CNTN6: variants seen among roughly 807,000 people sequenced by gnomAD.
CNTN6 encodes the protein contactin 6.
CNTN6 carries 137 observed loss-of-function variants against 122.8 expected under a neutral mutation model. That is an observed-to-expected ratio of 1.12 (90% CI 0.97 to 1.29). The LOEUF is 1.29. Ranked by LOEUF, CNTN6 falls within the 50% of genes most tolerant of loss-of-function variation. The pLI is 0.00. For synonymous variants in CNTN6, 570 were observed against 426.0 expected (o/e 1.34, Z -4.16); for missense variants, 1,634 against 1,223.4 (o/e 1.34, Z -5.01).
At chr3:1,217,756 G>A (rs534263580) in intron 2 of CNTN6, among the ~76,000 whole-genome samples, 1 of 152,296 alleles carries the variant, frequency 6.6e-6, no homozygotes, top group Non-Finnish European at 1.5e-5. Context: ...CTGATAACAA[G>A]TGCTGTCTCC....
chr3:1,104,646 T>C (rs1160640982), intron 1 of CNTN6, among the ~76,000 whole-genome samples: 2 of 152,166 alleles, frequency 1.3e-5, no homozygotes, highest in South Asian at 2.1e-4. Context: ...TATAAAATCA[T>C]ATATGTTTAT....
intron 2 of CNTN6, among the ~76,000 whole-genome samples, chr3:1,211,275 ATTTACCCAGGC>A (rs2094033333): frequency 6.6e-6 from 1 of 152,166 alleles, no homozygotes; most frequent in African/African-American, 2.4e-5. Context: ...GAAACCTGAA[ATTTACCCAGGC>A]TCATACAATG....
intron 21 of CNTN6, 75 bp from the exon 22 acceptor site, chr3:1,402,243 C>A: frequency 8.7e-7 from 1 of 1,151,732 alleles, no homozygotes. Context: ...TTATGTCTTA[C>A]AGTGTTCCAG....
Position 1,172,237 on chromosome 3 carries a change from C to A in CNTN6, c.55+24174C>A, listed in dbSNP as rs79898650. On this transcript the variant is annotated intron_variant, in intron 2 of 22. Coordinates refer to ENST00000446702, the MANE Select transcript of CNTN6 (RefSeq NM_001289080.2). ...TCACTTCTCTGAACCCCAGTTCTCTCTTTTATCAGTTTCATGTCTTCAAAA... is the reference window on the plus strand; with the variant it reads ...TCACTTCTCTGAACCCCAGTTCTCTATTTTATCAGTTTCATGTCTTCAAAA... Among the ~76,000 whole-genome samples, 944 of 152,306 alleles carry A rather than the reference C, an allele frequency of 6.2e-3. 8 individuals are homozygous for A. The highest frequency in any genetic ancestry group is 0.022 in the African/African-American group (897 of 41,570).
intron 3 of CNTN6, among the ~76,000 whole-genome samples, chr3:1,227,371 T>C (rs1559551248): frequency 6.6e-6 from 1 of 152,228 alleles, no homozygotes; most frequent in Admixed American, 6.5e-5. Flanking sequence ...AGCCCTGAAT[T>C]GGCGTTGTAA....
At chr3:1,342,253 T>C (rs1361159200) in intron 11 of CNTN6, among the ~76,000 whole-genome samples, 1 of 151,936 alleles carries the variant, frequency 6.6e-6, no homozygotes. Context: ...CATCAGCCTC[T>C]GGAATAGCTG....
intron 5 of CNTN6, among the ~76,000 whole-genome samples, chr3:1,280,193 T>C (rs1693121019): frequency 6.6e-6 from 1 of 152,122 alleles, no homozygotes; most frequent in African/African-American, 2.4e-5. Flanking sequence ...ATGTAAAATA[T>C]TTGTAAATGA....
intron 7 of CNTN6, chr3:1,298,300 T>C (rs1482080693): frequency 4.9e-6 from 1 of 203,504 alleles, no homozygotes. Context: ...TATAAGATGA[T>C]GGGCAAGTCA....
intron 7 of CNTN6, among the ~76,000 whole-genome samples, chr3:1,300,368 C>T (rs1696997309): frequency 6.6e-6 from 1 of 151,674 alleles, no homozygotes; most frequent in Non-Finnish European, 1.5e-5. Flanking sequence ...TATGAATTCT[C>T]ATCTTTCCCA....
intron 4 of CNTN6, among the ~76,000 whole-genome samples, chr3:1,272,895 T>C (rs1293893741): frequency 2.0e-5 from 3 of 152,220 alleles, no homozygotes; most frequent in Non-Finnish European, 4.4e-5. Flanking sequence ...AATACTTGTA[T>C]TGCCTGAACC....
intron 5 of CNTN6, among the ~76,000 whole-genome samples, chr3:1,289,845 T>G (rs1221510173): frequency 6.6e-6 from 1 of 151,612 alleles, no homozygotes; most frequent in East Asian, 1.9e-4. Context: ...CAGCTAATGT[T>G]TTGTGTTTTT....
rs1432183311 is a variant in CNTN6, at chr3:1,245,309, T to TA, written c.358+17317dup. ...TATATATATAACATATATATATATA[T>TA]ATATATATATATATATATATATATA... On this transcript the variant is annotated intron_variant, in intron 4 of 22. Coordinates refer to ENST00000446702, the MANE Select transcript of CNTN6 (RefSeq NM_001289080.2). Among the ~76,000 whole-genome samples, 20 of 14,540 alleles carry TA rather than the reference T, an allele frequency of 1.4e-3. 4 individuals are homozygous for TA. Among genetic ancestry groups the TA allele is most frequent in the South Asian group, 0.012 (6 of 512 alleles). The allele number at this position is 14,540 out of a possible 152,430, so 9.5% of individuals were successfully genotyped here.
At chr3:1,171,635 TCTCA>T (rs1198068659) in intron 2 of CNTN6, among the ~76,000 whole-genome samples, 1 of 152,050 alleles carries the variant, frequency 6.6e-6, no homozygotes, top group African/African-American at 2.4e-5. Flanking sequence ...TTAGGCAGAG[TCTCA>T]CTCTGTTGCC....
intron 2 of CNTN6, among the ~76,000 whole-genome samples, chr3:1,176,775 A>G (rs987333988): frequency 2.0e-4 from 30 of 152,254 alleles, no homozygotes; most frequent in African/African-American, 7.2e-4. Context: ...ACAACAATTC[A>G]TAGATAGATG....
rs762258158 is a variant in CNTN6, at chr3:1,329,918, C to A, written c.1347C>A (p.Thr449=). 6.4e-7 allele frequency: 1 copy of A among 1,571,198 alleles called. No homozygotes were observed. Among genetic ancestry groups the A allele is most frequent in the South Asian group, 1.2e-5 (1 of 81,954 alleles). ...TCTCTTGGAAAAGAGGAACGGAGAC[C>A]CTTAGACAAAGCAAAAGGTAAACAA... is the stretch of plus-strand genomic sequence containing the variant. The part of the protein sequence containing the change: ...AAISWKRGTE[T]LRQSKRIFLL... Residue 449 remains threonine, a synonymous_variant, in exon 11 of 23, where the codon ACC becomes ACA. Coordinates refer to ENST00000446702, the MANE Select transcript of CNTN6 (RefSeq NM_001289080.2).
intron 20 of CNTN6, among the ~76,000 whole-genome samples, chr3:1,388,144 G>A (rs1001388697): frequency 6.6e-6 from 1 of 151,928 alleles, no homozygotes; most frequent in Non-Finnish European, 1.5e-5. Context: ...AGTAACGTCT[G>A]CAGAGTTAAA....
Position 1,336,695 on chromosome 3 carries a change from G to A in CNTN6, c.1364+6760G>A, listed in dbSNP as rs192926359. Among the ~76,000 whole-genome samples, 122 of 152,258 alleles carry A rather than the reference G, an allele frequency of 8.0e-4. 1 individual carries two copies. The highest frequency in any genetic ancestry group is 1.5e-3 in the Non-Finnish European group (101 of 68,008). ...GCAAATGCATGTACCTTGTGGGAAA[G>A]AGTGAACCCATTAGGTGAATTGGAG... On this transcript the variant is annotated intron_variant, in intron 11 of 22. Transcript: ENST00000446702.
intron 1 of CNTN6, among the ~76,000 whole-genome samples, chr3:1,116,031 C>A (rs1448981298): frequency 1.3e-5 from 2 of 152,194 alleles, no homozygotes; most frequent in Admixed American, 6.5e-5. Context: ...ACAGAGGACA[C>A]CTTCAGCAAA....
chr3:1,195,362 C>G (rs970658645), intron 2 of CNTN6, among the ~76,000 whole-genome samples: 9 of 152,046 alleles, frequency 5.9e-5, no homozygotes, highest in Admixed American at 5.9e-4. Context: ...CTCCTGATTT[C>G]TTGGGTTCAT....
Sources: gnomAD v4.1 joint callset for allele counts (sites outside exome capture counted in the v4.1 genomes callset) on GRCh38, gnomAD v4.1.1 for gene constraint, MANE v1.5 for transcripts, NCBI Gene and HGNC (gene_info 2026-07-23, HGNC 2026-07-21) for gene names.